TENM2: variants seen among roughly 807,000 people sequenced by gnomAD.
TENM2 encodes the protein teneurin transmembrane protein 2.
TENM2 carries 52 observed loss-of-function variants against 245.2 expected under a neutral mutation model. That is an observed-to-expected ratio of 0.21 (90% CI 0.17 to 0.27). The LOEUF (loss-of-function observed/expected upper bound fraction) is 0.27. TENM2 is among the 10% of genes least tolerant of loss of function. TENM2 has a pLI of 1.00. For missense variants in TENM2, 3,046 were observed against 3,666.8 expected (o/e 0.83, Z 4.37); for synonymous variants, 1,363 against 1,438.9 (o/e 0.95, Z 1.19).
intron 2 of TENM2, among the ~76,000 whole-genome samples, chr5:167,603,770 G>T (rs1231036980): frequency 6.6e-6 from 1 of 152,228 alleles, no homozygotes; most frequent in Non-Finnish European, 1.5e-5. Context: ...CAGTGATGAA[G>T]TTGAGGAGAC....
At chr5:167,580,291 A>T (rs150801310) in intron 2 of TENM2, among the ~76,000 whole-genome samples, 1 of 152,360 alleles carries the variant, frequency 6.6e-6, no homozygotes, top group African/African-American at 2.4e-5. Context: ...ATTATGTAGA[A>T]AAATCTGGTT....
chr5:167,516,547 A>G (rs866308246), intron 2 of TENM2, among the ~76,000 whole-genome samples: 3 of 152,114 alleles, frequency 2.0e-5, no homozygotes, highest in South Asian at 4.1e-4. Flanking sequence ...ATATATTTGC[A>G]TATATACAAA....
At chr5:168,231,351 G>A (rs192271022) in intron 25 of TENM2, among the ~76,000 whole-genome samples, 45 of 152,360 alleles carry the variant, frequency 3.0e-4, no homozygotes, top group African/African-American at 1.1e-3. Context: ...GCCAGGCAGA[G>A]ATAGGGAACA....
chr5:167,936,726 A>G (rs1778750605), intron 3 of TENM2, among the ~76,000 whole-genome samples: 1 of 152,208 alleles, frequency 6.6e-6, no homozygotes, highest in African/African-American at 2.4e-5. Flanking sequence ...AGGTTTCTGG[A>G]ACTGTCACAA....
At chr5:166,989,039 A>C in the TENM2 span, among the ~76,000 whole-genome samples, 1 of 152,154 alleles carries the variant, frequency 6.6e-6, no homozygotes, top group Non-Finnish European at 1.5e-5. Context: ...TTCCCTCAAA[A>C]TAAAAAGTAC....
chr5:167,713,209 A>G (rs1561697712), intron 2 of TENM2, among the ~76,000 whole-genome samples: 1 of 151,836 alleles, frequency 6.6e-6, no homozygotes, highest in South Asian at 2.1e-4. Flanking sequence ...AGCCTCTGCC[A>G]TTTTTCCTAC....
intron 2 of TENM2, among the ~76,000 whole-genome samples, chr5:167,588,915 G>A (rs1775688821): frequency 6.6e-6 from 1 of 152,138 alleles, no homozygotes; most frequent in South Asian, 2.1e-4. Flanking sequence ...AAAATCAGAT[G>A]ACAGGCCAGG....
At chr5:167,961,055 T>A (rs1396589870) in intron 4 of TENM2, among the ~76,000 whole-genome samples, 1 of 152,240 alleles carries the variant, frequency 6.6e-6, no homozygotes, top group Admixed American at 6.5e-5. Context: ...CCTAGTGAGA[T>A]GAGCCTAGTA....
intron 19 of TENM2, among the ~76,000 whole-genome samples, chr5:168,205,321 A>G (rs1329875003): frequency 1.3e-5 from 2 of 152,156 alleles, no homozygotes; most frequent in Non-Finnish European, 2.9e-5. Flanking sequence ...TGGCTAGAAA[A>G]AAAAAAAAAG....
intron 2 of TENM2, among the ~76,000 whole-genome samples, chr5:167,416,489 G>A (rs1561937368): frequency 1.3e-5 from 2 of 152,000 alleles, no homozygotes; most frequent in Non-Finnish European, 2.9e-5. Flanking sequence ...CTTTTTGTTT[G>A]TTTGTTTTGC....
chr5:168,183,433 T>C (rs1017491416), intron 13 of TENM2, among the ~76,000 whole-genome samples: 1 of 152,010 alleles, frequency 6.6e-6, no homozygotes, highest in African/African-American at 2.4e-5. Flanking sequence ...AGGCATGCCC[T>C]GCAGGAGTTT....
chr5:167,849,698 G>A (rs1200415192), intron 2 of TENM2, among the ~76,000 whole-genome samples: 1 of 151,984 alleles, frequency 6.6e-6, no homozygotes, highest in Non-Finnish European at 1.5e-5. Context: ...CCCTTCCTTG[G>A]GTTCTATTAA....
chr5:167,166,905 C>A, the TENM2 span, among the ~76,000 whole-genome samples: 7 of 152,092 alleles, frequency 4.6e-5, no homozygotes, highest in Non-Finnish European at 7.4e-5. Flanking sequence ...TCCTCATAGC[C>A]TAGGATCAGT....
intron 2 of TENM2, among the ~76,000 whole-genome samples, chr5:167,708,878 T>C (rs1758716728): frequency 6.6e-6 from 1 of 152,150 alleles, no homozygotes; most frequent in African/African-American, 2.4e-5. Context: ...AATTATAAGG[T>C]AGCAAAAACA....
intron 3 of TENM2, chr5:167,934,915 G>A (rs377365844): frequency 3.3e-4 from 326 of 985,520 alleles, no homozygotes; most frequent in African/African-American, 4.0e-4. Context: ...CCCTTGAGTC[G>A]TCCAGGTAGG....
At chr5:167,712,136 A>T (rs192132506) in intron 2 of TENM2, among the ~76,000 whole-genome samples, 2 of 152,298 alleles carry the variant, frequency 1.3e-5, no homozygotes, top group East Asian at 1.9e-4. Context: ...CTCGATCTTA[A>T]TTAGCCCCCA....
chr5:167,349,773 T>G (rs981710175), intron 1 of TENM2, among the ~76,000 whole-genome samples: 9 of 152,150 alleles, frequency 5.9e-5, no homozygotes, highest in African/African-American at 2.2e-4. Context: ...GATACTAGCT[T>G]AGGTAAGAGT....
the TENM2 span, among the ~76,000 whole-genome samples, chr5:167,186,860 A>G: frequency 6.6e-6 from 1 of 152,170 alleles, no homozygotes; most frequent in Admixed American, 6.5e-5. Flanking sequence ...CTGCCTTACA[A>G]TGGTGGTGTT....
chr5:167,996,369 G>C (rs1308989685), intron 5 of TENM2, among the ~76,000 whole-genome samples: 5 of 152,212 alleles, frequency 3.3e-5, no homozygotes, highest in African/African-American at 1.2e-4. Context: ...AAACATCCTG[G>C]AATAAATTAC....
Sources: allele counts gnomAD v4.1 joint callset (sites outside exome capture counted in the v4.1 genomes callset), GRCh38; gene constraint gnomAD v4.1.1; transcripts MANE v1.5; gene names NCBI Gene and HGNC (gene_info 2026-07-23, HGNC 2026-07-21).